Variants in FMNL3 observed in about 807,000 individuals in gnomAD.
FMNL3 encodes the protein formin like 3.
In FMNL3, 57 loss-of-function variants were observed where a neutral mutation model predicts 119.6. The ratio of observed to expected loss-of-function variants is 0.48; its 90% CI spans 0.39 to 0.59. The LOEUF is 0.59. Among genes scored for constraint, FMNL3 ranks in the 20% least tolerant of loss-of-function variants. The probability of loss-of-function intolerance (pLI) is 0.00; values close to 1 mark genes in which losing one functional copy is unlikely to be tolerated. For missense variants in FMNL3, 1,053 were observed against 1,323.5 expected (o/e 0.80, Z 3.17); for synonymous variants, 491 against 507.3 (o/e 0.97, Z 0.43).
chr12:49,687,127 T>C (rs10875964), intron 1 of FMNL3, among the ~76,000 whole-genome samples: 31,168 of 149,368 alleles, frequency 0.21, 5,509 homozygotes, highest in African/African-American at 0.49. Context: ...CGGAGTCTCA[T>C]TCTGTCTCCA....
In FMNL3 at chr12:49,637,714, C is replaced by G; in HGVS notation, c.*8101G>C. 3 of 1,536,910 alleles carry G rather than the reference C, an allele frequency of 2.0e-6. No homozygotes were observed. Among genetic ancestry groups the G allele is most frequent in the African/African-American group, 1.4e-5 (1 of 73,410 alleles). ...GGGAAGCTGCCGCCCGCCAGGCCCC[C>G]CTCCCTCCCTCCTTACAGGCTCCAC... On this transcript the variant is annotated 3_prime_UTR_variant, in exon 26 of 26. Coordinates refer to ENST00000335154, the MANE Select transcript of FMNL3 (RefSeq NM_175736.5).
chr12:49,695,844 G>A (rs1335451889), intron 1 of FMNL3, among the ~76,000 whole-genome samples: 1 of 150,952 alleles, frequency 6.6e-6, no homozygotes, highest in Admixed American at 6.6e-5. Context: ...AGGTAGAAGA[G>A]AGGATTTAAG....
rs545375851 is a variant in FMNL3 at position 49,637,634 on chromosome 12, G to A, written c.*8181C>T. ...TCTGGCCTGGCTTCCTGCCCTGCCA[G>A]CCTCTCTGCACCCCCTACTACCGGC... On this transcript the variant is annotated 3_prime_UTR_variant, in exon 26 of 26. Transcript: ENST00000335154. 6.3e-7 allele frequency: 1 copy of A among 1,585,342 alleles called. No homozygotes were observed. Among genetic ancestry groups the A allele is most frequent in the East Asian group, 2.2e-5 (1 of 44,718 alleles).
In FMNL3 at chr12:49,642,526, C is replaced by G; in HGVS notation, c.*3289G>C. ...CCCTGCCCTGTGCTCATGGCGGTGT[C>G]CAGGCCAGGCTGAGTGGGGCCTAGT... On this transcript the variant is annotated 3_prime_UTR_variant, in exon 26 of 26. Coordinates refer to ENST00000335154, the MANE Select transcript of FMNL3 (RefSeq NM_175736.5). This position sits in a 1 kb window ranked among gnomAD's most constrained non-coding sequence, Gnocchi z 5.8. The G allele has an allele frequency of 6.3e-7, 1 of 1,599,306 alleles. No individual in the cohort carries two copies. Among genetic ancestry groups the G allele is most frequent in the Admixed American group, 1.7e-5 (1 of 59,774 alleles).
At chr12:49,704,710 CA>C (rs59799899) in intron 1 of FMNL3, among the ~76,000 whole-genome samples, 5,542 of 36,966 alleles carry the variant, frequency 0.15, 55 homozygotes, top group Non-Finnish European at 0.17. Flanking sequence ...AACTCCATCT[CA>C]AAAAAAAAAA....
At chr12:49,653,198 G>C (rs754081799) in intron 13 of FMNL3, 28 bp downstream of exon 13, 43 of 1,604,398 alleles carry the variant, frequency 2.7e-5, no homozygotes, top group Middle Eastern at 1.6e-4. Context: ...GGATCAGTCA[G>C]GGACTGCCTT....
At position 49,657,207 on chromosome 12, in the gene FMNL3, G is replaced by C. The variant is rs1943598723; in HGVS notation, c.606-17C>G. On this transcript the variant is annotated splice_polypyrimidine_tract_variant and intron_variant, in intron 6 of 25. Coordinates refer to ENST00000335154, the MANE Select transcript of FMNL3 (RefSeq NM_175736.5). ...GTGCTATACCTGGGGAGATGGGCCA[G>C]GCAGTCAGGTGGGAGCTGAGGCTGC... 2 of 1,597,784 alleles carry C rather than the reference G, an allele frequency of 1.3e-6. No homozygotes were observed. The highest frequency in any genetic ancestry group is 1.7e-6 in the Non-Finnish European group (2 of 1,165,472).
rs763412697 is a variant in FMNL3 at position 49,642,215 on chromosome 12, C to T, written c.*3600G>A. ...TCCACCCTCCTGGGTGACCCTGTTCCGTGTCCCTTCTTTCCTCAGCTGCTG... is the reference window on the plus strand; with the variant it reads ...TCCACCCTCCTGGGTGACCCTGTTCTGTGTCCCTTCTTTCCTCAGCTGCTG... On this transcript the variant is annotated 3_prime_UTR_variant, in exon 26 of 26. Transcript: ENST00000335154. The surrounding 1 kb of genome is among the most constrained non-coding windows in gnomAD (Gnocchi z 5.8). The T allele has an allele frequency of 2.7e-5, 43 of 1,613,966 alleles. No individual in the cohort carries two copies. Among genetic ancestry groups the T allele is most frequent in the Admixed American group, 5.0e-5 (3 of 60,006 alleles).
In FMNL3 at chr12:49,642,900, T is replaced by G; in HGVS notation, c.*2915A>C. On this transcript the variant is annotated 3_prime_UTR_variant, in exon 26 of 26. Transcript: ENST00000335154. This position sits in a 1 kb window ranked among gnomAD's most constrained non-coding sequence, Gnocchi z 5.8. ...CTTCCTGGGGCTAAGTCTGGTGCTG[T>G]CCTCACCCTTCTTCCTCTGCCTCTA... The G allele has an allele frequency of 6.3e-7, 1 of 1,599,318 alleles. No homozygotes were observed. The highest frequency in any genetic ancestry group is 8.5e-7 in the Non-Finnish European group (1 of 1,171,482).
chr12:49,665,978 G>T, intron 3 of FMNL3, 70 bp from the exon 4 acceptor site: 1 of 1,559,684 alleles, frequency 6.4e-7, no homozygotes, highest in Non-Finnish European at 8.8e-7. Flanking sequence ...TTACTGGCCA[G>T]CCATTCCAGG....
chr12:49,693,628 C>CA (rs1216515049), intron 1 of FMNL3, among the ~76,000 whole-genome samples: 1 of 125,286 alleles, frequency 8.0e-6, no homozygotes, highest in African/African-American at 3.3e-5. Context: ...CTCAGCCTCC[C>CA]AATCTTGGTT....
rs77151210 is a variant in FMNL3 at position 49,645,696 on chromosome 12, G to A, written c.*119C>T. The A allele has an allele frequency of 0.023, 18,738 of 799,710 alleles. 319 individuals are homozygous for A. The highest frequency in any genetic ancestry group is 0.059 in the Middle Eastern group (233 of 3,970). The allele number at this position is 799,710 out of a possible 1,614,324, so 49.5% of individuals were successfully genotyped here. On this transcript the variant is annotated 3_prime_UTR_variant, in exon 26 of 26. Transcript: ENST00000335154. ...GTAGAAAGATCCAGCCTCAAGAGCT[G>A]GGGCGGACATGGTTGAGAGAGCAAC...
At chr12:49,667,584 A>T (rs1943926675) in intron 2 of FMNL3, among the ~76,000 whole-genome samples, 1 of 152,222 alleles carries the variant, frequency 6.6e-6, no homozygotes, top group African/African-American at 2.4e-5. Flanking sequence ...TACTAGCATT[A>T]GGCAAGTTAC....
intron 1 of FMNL3, among the ~76,000 whole-genome samples, chr12:49,692,399 A>C (rs759360981): frequency 2.6e-4 from 39 of 152,032 alleles, no homozygotes; most frequent in Non-Finnish European, 4.9e-4. Context: ...GGAGGAATAC[A>C]CAAGTAGATA....
At chr12:49,672,107 C>T (rs1366006747) in intron 1 of FMNL3, among the ~76,000 whole-genome samples, 1 of 152,212 alleles carries the variant, frequency 6.6e-6, no homozygotes, top group Non-Finnish European at 1.5e-5. Context: ...AATCTTGTGT[C>T]ATGTTCTGAT....
chr12:49,666,048 C>T, intron 3 of FMNL3, 79 bp downstream of exon 3: 5 of 1,549,816 alleles, frequency 3.2e-6, no homozygotes, highest in Non-Finnish European at 4.4e-6. Context: ...TGTCCAATAT[C>T]CAAGTCAAAG....
chr12:49,689,317 C>T (rs61616163), intron 1 of FMNL3, among the ~76,000 whole-genome samples: 37,208 of 152,110 alleles, frequency 0.24, 7,379 homozygotes, highest in African/African-American at 0.56. Flanking sequence ...GAGCATTTAT[C>T]TCTCATATAT....
chr12:49,687,514 G>C (rs1046313759), intron 1 of FMNL3, among the ~76,000 whole-genome samples: 1 of 152,170 alleles, frequency 6.6e-6, no homozygotes, highest in African/African-American at 2.4e-5. Flanking sequence ...ACCACACCTG[G>C]CTATAACCCC....
rs1029791150 is a variant in FMNL3 at position 49,641,263 on chromosome 12, T to G, written c.*4552A>C. On this transcript the variant is annotated 3_prime_UTR_variant, in exon 26 of 26. Transcript: ENST00000335154. ...CACCTGGTGGCCTCCGTTTCTCCCA[T>G]GGACTAAGTCATCTGGGTGGGTGTG... 1 of 152,330 alleles carries G rather than the reference T, an allele frequency of 6.6e-6. No individual in the cohort carries two copies. Among genetic ancestry groups the G allele is most frequent in the African/African-American group, 2.4e-5 (1 of 41,452 alleles). 9.4% of individuals were successfully genotyped at this position (152,330 alleles called of 1,614,324 possible). A position where few individuals can be genotyped will look rare whatever the true frequency, so the allele number is the denominator to read the frequency against.
Sources: gnomAD v4.1 joint callset for allele counts (sites outside exome capture counted in the v4.1 genomes callset) on GRCh38, gnomAD v4.1.1 for gene constraint, Gnocchi (gnomAD v3.1) non-coding constraint, MANE v1.5 for transcripts, NCBI Gene and HGNC (gene_info 2026-07-23, HGNC 2026-07-21) for gene names.